Variants in RUNX1 observed in about 807,000 individuals in gnomAD.
The protein encoded by RUNX1 is runt-related transcription factor 1.
In RUNX1, 19 loss-of-function variants were observed where a neutral mutation model predicts 42.8. That is an observed-to-expected ratio of 0.44 (90% confidence interval 0.31 to 0.65). RUNX1 has a LOEUF of 0.65. RUNX1 is among the 30% of genes least tolerant of loss of function. RUNX1 has a pLI of 0.07. For missense variants in RUNX1, 528 were observed against 672.0 expected (o/e 0.79, Z 2.37); for synonymous variants, 271 against 289.4 (o/e 0.94, Z 0.64).
chr21:34,908,297 T>C (rs1180899051), intron 2 of RUNX1, among the ~76,000 whole-genome samples: 1 of 152,214 alleles, frequency 6.6e-6, no homozygotes, highest in Non-Finnish European at 1.5e-5. Context: ...TTATTAATCT[T>C]CTTCCTGAAG....
In RUNX1 at chr21:34,792,921, G is replaced by T. The variant is rs2056469578; in HGVS notation, c.968-311C>A. Among the ~76,000 whole-genome samples, 1 of 151,056 alleles carries T rather than the reference G, an allele frequency of 6.6e-6. No individual in the cohort carries two copies. Among genetic ancestry groups the T allele is most frequent in the Non-Finnish European group, 1.5e-5 (1 of 67,714 alleles). ...CCCATGATGCTATGCCCAGGAGGTC[G>T]GGGACCACTCAGGATGCCACCTCCT... is the stretch of plus-strand genomic sequence containing the variant. On this transcript the variant is annotated intron_variant, in intron 8 of 8. Transcript: ENST00000675419. This position sits in a 1 kb window ranked among gnomAD's most constrained non-coding sequence, Gnocchi z 6.9.
chr21:35,037,707 A>G (rs1200955139), intron 2 of RUNX1, among the ~76,000 whole-genome samples: 1 of 152,218 alleles, frequency 6.6e-6, no homozygotes, highest in East Asian at 1.9e-4. Context: ...ACTCAGTGGG[A>G]TTAATAATGA....
In RUNX1 at chr21:34,792,311, GCT is replaced by G; in HGVS notation, c.1265_1266del (p.Glu422AlafsTer177). 6.5e-6 allele frequency: 10 copies of G among 1,539,214 alleles called. No homozygotes were observed. In the East Asian group the frequency reaches 7.4e-5, roughly 11 times the overall value. ...GSYQFSMVGG[E>X]RSPPRILPPC... ...GGCGGCAGGATGCGCGGCGGCGAGC[GCT>G]CGCCGCCCACCATGGAGAACTGGTA... On this transcript the variant is annotated frameshift_variant, in exon 9 of 9. Coordinates refer to ENST00000675419, the MANE Select transcript of RUNX1 (RefSeq NM_001754.5). LOFTEE classifies it high-confidence loss of function. This position sits in a 1 kb window ranked among gnomAD's most constrained non-coding sequence, Gnocchi z 6.9.
At chr21:35,027,067 A>G (rs2059242738) in intron 2 of RUNX1, among the ~76,000 whole-genome samples, 1 of 152,138 alleles carries the variant, frequency 6.6e-6, no homozygotes, top group Non-Finnish European at 1.5e-5. Flanking sequence ...CTGTGTCAAG[A>G]GGCTTCCCAG....
intron 2 of RUNX1, among the ~76,000 whole-genome samples, chr21:34,915,451 C>G (rs916989415): frequency 6.6e-6 from 1 of 152,160 alleles, no homozygotes; most frequent in African/African-American, 2.4e-5. Context: ...TTTACATGAC[C>G]ATTCATTCTT....
intron 6 of RUNX1, among the ~76,000 whole-genome samples, chr21:34,850,268 C>T (rs894111082): frequency 6.6e-6 from 1 of 152,228 alleles, no homozygotes; most frequent in Non-Finnish European, 1.5e-5. Flanking sequence ...CCATCTCAGA[C>T]TGGGGCTGCC....
chr21:34,909,778 A>G (rs960603134), intron 2 of RUNX1, among the ~76,000 whole-genome samples: 2 of 152,140 alleles, frequency 1.3e-5, no homozygotes, highest in Admixed American at 1.3e-4. Context: ...ACATTTTAGC[A>G]AGACTAAAAC....
intron 4 of RUNX1, 136 bp from the exon 5 acceptor site, chr21:34,880,849 A>G (rs2057893646): frequency 1.1e-6 from 1 of 891,942 alleles, no homozygotes; most frequent in African/African-American, 1.7e-5. Flanking sequence ...AATAGCAATG[A>G]TAACTTAAGC....
intron 7 of RUNX1, among the ~76,000 whole-genome samples, chr21:34,820,497 A>AAT (rs1277187765): frequency 6.6e-6 from 1 of 151,876 alleles, no homozygotes; most frequent in East Asian, 1.9e-4. Flanking sequence ...TAAAAATACA[A>AAT]ATATATATAT....
intron 6 of RUNX1, among the ~76,000 whole-genome samples, chr21:34,836,419 G>A (rs1007578148): frequency 2.0e-5 from 3 of 152,218 alleles, no homozygotes; most frequent in African/African-American, 7.2e-5. Context: ...GTGACTCAGT[G>A]CCTCTGGATG....
In RUNX1 at chr21:34,834,531, C is replaced by T. The variant is rs766437549; in HGVS notation, c.684G>A (p.Leu228=). 6.2e-7 allele frequency: 1 copy of T among 1,612,750 alleles called. No individual in the cohort carries two copies. The highest frequency in any genetic ancestry group is 1.1e-5 in the South Asian group (1 of 91,042). Reference sequence around the variant, plus strand: ...TCATGGCTGTGCGCCGCAGCTGCTCCAGTTCACTGAGCCGCTCGGAAAAGG... The same window carrying T: ...TCATGGCTGTGCGCCGCAGCTGCTCTAGTTCACTGAGCCGCTCGGAAAAGG... The part of the protein sequence containing the change: ...SLSFSERLSE[L]EQLRRTAMRV... The change falls in exon 7 of 9, where the codon CTG becomes CTA. Residue 228 remains leucine, a synonymous_variant. Transcript: ENST00000675419.
chr21:34,877,830 G>A lies in RUNX1; in HGVS notation c.508+2727C>T, dbSNP rs887010536. Among the ~76,000 whole-genome samples the A allele has an allele frequency of 2.0e-5, 3 of 152,140 alleles. No homozygotes were observed. In the East Asian group the frequency reaches 5.8e-4, roughly 29 times the overall value. On this transcript the variant is annotated intron_variant, in intron 5 of 8. Coordinates refer to ENST00000675419, the MANE Select transcript of RUNX1 (RefSeq NM_001754.5). ...TACAATCCCCATGGACTGGCAGCTG[G>A]TCACAGAAAGAGAACTTCTTTCTCT... is the stretch of plus-strand genomic sequence containing the variant.
In RUNX1 at chr21:34,791,397, C is replaced by A; in HGVS notation, c.*738G>T. On this transcript the variant is annotated 3_prime_UTR_variant, in exon 9 of 9. Coordinates refer to ENST00000675419, the MANE Select transcript of RUNX1 (RefSeq NM_001754.5). ...TATCTGGGGATTCCTTGTGGGAATA[C>A]AGTAGTTAAAAATGACCCAAAGCTG... 1 of 229,244 alleles carries A rather than the reference C, an allele frequency of 4.4e-6. No homozygotes were observed. The highest frequency in any genetic ancestry group is 6.2e-5 in the East Asian group (1 of 16,104). The allele number at this position is 229,244 out of a possible 1,614,324, so 14.2% of individuals were successfully genotyped here.
intron 2 of RUNX1, among the ~76,000 whole-genome samples, chr21:34,897,460 A>AG (rs769185781): frequency 1.1e-4 from 17 of 152,184 alleles, no homozygotes; most frequent in Non-Finnish European, 1.9e-4. Context: ...CTCATCTTGG[A>AG]GGGGGGCAGA....
intron 2 of RUNX1, among the ~76,000 whole-genome samples, chr21:34,963,067 A>G (rs976053281): frequency 3.9e-5 from 6 of 152,226 alleles, no homozygotes; most frequent in African/African-American, 1.2e-4. Context: ...CTCTGTTAAC[A>G]GAGCACAGGT....
At chr21:34,868,571 T>C (rs1276523253) in intron 5 of RUNX1, among the ~76,000 whole-genome samples, 1 of 152,200 alleles carries the variant, frequency 6.6e-6, no homozygotes, top group African/African-American at 2.4e-5. Context: ...GACATGATTC[T>C]TCATGCCTCC....
intron 2 of RUNX1, among the ~76,000 whole-genome samples, chr21:34,926,512 ATCTGTCAGCATTTTGATCTAC>A (rs2058395761): frequency 2.7e-4 from 13 of 48,030 alleles, no homozygotes; most frequent in African/African-American, 3.7e-4. Flanking sequence ...TATTGACTAA[ATCTGTCAGCATTTTGATCTAC>A]AACAAACACA....
At chr21:34,892,376 G>T (rs2058090006) in intron 3 of RUNX1, among the ~76,000 whole-genome samples, 1 of 152,156 alleles carries the variant, frequency 6.6e-6, no homozygotes, top group African/African-American at 2.4e-5. Context: ...TGAGAGGGGG[G>T]AGGAGAGCCC....
chr21:34,858,521 C>A (rs2057525811), intron 6 of RUNX1, among the ~76,000 whole-genome samples: 1 of 152,306 alleles, frequency 6.6e-6, no homozygotes, highest in East Asian at 1.9e-4. Context: ...CTTAAGAATT[C>A]CACTGGCTTG....
Sources: gnomAD v4.1 joint callset for allele counts (sites outside exome capture counted in the v4.1 genomes callset) on GRCh38, gnomAD v4.1.1 for gene constraint, Gnocchi (gnomAD v3.1) non-coding constraint, MANE v1.5 for transcripts, NCBI Gene and HGNC (gene_info 2026-07-23, HGNC 2026-07-21) for gene names.